ODAD2: variants seen among roughly 807,000 people sequenced by gnomAD.
The protein encoded by ODAD2 is outer dynein arm-docking complex subunit 2.
Under a neutral mutation model 106.8 loss-of-function variants are expected in ODAD2, and 89 were observed. The ratio of observed to expected loss-of-function variants is 0.83; its 90% CI spans 0.70 to 0.99. The LOEUF is 0.99. Ranked by LOEUF, ODAD2 falls within the 50% of genes least tolerant of loss-of-function variation. The pLI is 0.00. For synonymous variants in ODAD2, 404 were observed against 436.2 expected (o/e 0.93, Z 0.92); for missense variants, 1,168 against 1,238.5 (o/e 0.94, Z 0.85).
At chr10:27,949,309 A>G (rs1428935702) in intron 10 of ODAD2, among the ~76,000 whole-genome samples, 1 of 152,150 alleles carries the variant, frequency 6.6e-6, no homozygotes, top group African/African-American at 2.4e-5. Flanking sequence ...AAAGGTTTTT[A>G]ACTTTTTTAA....
intron 16 of ODAD2, among the ~76,000 whole-genome samples, chr10:27,919,330 A>G (rs115977942): frequency 5.7e-4 from 87 of 152,196 alleles, no homozygotes; most frequent in African/African-American, 2.0e-3. Context: ...CTTAAAGGAC[A>G]ACCGAAAAAT....
In ODAD2 at chr10:27,977,445, T is replaced by C. The variant is rs528333588; in HGVS notation, c.936+4021A>G. ...AGCCAGGCGCGGTGGCGGGCGCCTG[T>C]AGTCCCAGCTACTTGGGAAGCTGAG... On this transcript the variant is annotated intron_variant, in intron 7 of 19. Coordinates refer to ENST00000305242, the MANE Select transcript of ODAD2 (RefSeq NM_018076.5). 8.3e-4 allele frequency among the ~76,000 whole-genome samples: 125 copies of C among 150,398 alleles called. 1 individual carries two copies. Among genetic ancestry groups the C allele is most frequent in the African/African-American group, 2.9e-3 (118 of 40,988 alleles).
intron 19 of ODAD2, among the ~76,000 whole-genome samples, chr10:27,820,777 CTT>C (rs72095120): frequency 0.05 from 5,304 of 105,470 alleles, 88 homozygotes; most frequent in Admixed American, 0.094. Flanking sequence ...AGCCCAGCAA[CTT>C]TTTTTTTTTT....
chr10:27,898,596 C>T (rs1842994617), intron 17 of ODAD2, among the ~76,000 whole-genome samples: 1 of 152,064 alleles, frequency 6.6e-6, no homozygotes, highest in Admixed American at 6.6e-5. Context: ...GGATTTGTAT[C>T]AATCTTTCCC....
intron 19 of ODAD2, among the ~76,000 whole-genome samples, chr10:27,832,033 G>A (rs1837517672): frequency 6.6e-6 from 1 of 152,220 alleles, no homozygotes; most frequent in African/African-American, 2.4e-5. Context: ...CCTGAAGGCT[G>A]GACCACATAC....
chr10:27,968,281 GA>G (rs1848610457), intron 9 of ODAD2, among the ~76,000 whole-genome samples: 1 of 136,620 alleles, frequency 7.3e-6, no homozygotes, highest in Non-Finnish European at 1.6e-5. Flanking sequence ...TGAACTTGAA[GA>G]TAGAACAACA....
chr10:27,820,511 A>C (rs1022761131), intron 19 of ODAD2, among the ~76,000 whole-genome samples: 1 of 152,080 alleles, frequency 6.6e-6, no homozygotes, highest in Non-Finnish European at 1.5e-5. Flanking sequence ...GGGTTGCTGG[A>C]AACAGCATCT....
At chr10:27,837,805 G>A (rs927479978) in intron 19 of ODAD2, among the ~76,000 whole-genome samples, 1 of 152,178 alleles carries the variant, frequency 6.6e-6, no homozygotes, top group African/African-American at 2.4e-5. Context: ...GCCCTGACTT[G>A]TCAACCATAA....
intron 17 of ODAD2, among the ~76,000 whole-genome samples, chr10:27,874,356 T>C (rs1486543365): frequency 1.3e-5 from 2 of 152,332 alleles, no homozygotes; most frequent in East Asian, 3.9e-4. Context: ...TCTATTTACA[T>C]TTAAGGTTAA....
chr10:27,877,184 C>G (rs932900684), intron 17 of ODAD2, among the ~76,000 whole-genome samples: 6 of 152,162 alleles, frequency 3.9e-5, no homozygotes, highest in African/African-American at 1.4e-4. Flanking sequence ...GTTCAACAAG[C>G]CAAATTTCAA....
chr10:27,940,860 G>C, intron 12 of ODAD2, 55 bp from the exon 13 acceptor site: 7 of 1,551,936 alleles, frequency 4.5e-6, no homozygotes, highest in Non-Finnish European at 6.2e-6. Flanking sequence ...AACATTTAAG[G>C]CATTCTTCAA....
chr10:27,943,402 C>A (rs111433242), intron 12 of ODAD2, among the ~76,000 whole-genome samples: 11 of 152,066 alleles, frequency 7.2e-5, no homozygotes, highest in African/African-American at 2.4e-4. Flanking sequence ...GTAGGTACAT[C>A]TTTAAAAACT....
intron 17 of ODAD2, among the ~76,000 whole-genome samples, chr10:27,883,569 G>A (rs1005579064): frequency 5.3e-5 from 8 of 152,230 alleles, no homozygotes; most frequent in South Asian, 2.1e-4. Context: ...CCCTCAAGAA[G>A]CTTGTATAAT....
intron 17 of ODAD2, among the ~76,000 whole-genome samples, chr10:27,891,680 A>G (rs1264487080): frequency 6.6e-6 from 1 of 152,124 alleles, no homozygotes; most frequent in Non-Finnish European, 1.5e-5. Flanking sequence ...TTCTTAATAA[A>G]AACTTTTAAA....
intron 19 of ODAD2, among the ~76,000 whole-genome samples, chr10:27,814,661 C>A (rs1835990017): frequency 1.3e-5 from 2 of 152,230 alleles, no homozygotes; most frequent in African/African-American, 4.8e-5. Flanking sequence ...TGTCCATGGG[C>A]TCACATACTT....
chr10:27,982,497 G>T (rs78060407), intron 6 of ODAD2, among the ~76,000 whole-genome samples: 27 of 151,878 alleles, frequency 1.8e-4, no homozygotes, highest in Non-Finnish European at 4.4e-5. Flanking sequence ...TAGAGATTTC[G>T]TTTTTCTAAA....
intron 17 of ODAD2, among the ~76,000 whole-genome samples, chr10:27,894,974 A>G (rs1335501696): frequency 2.0e-5 from 3 of 151,798 alleles, no homozygotes; most frequent in Non-Finnish European, 4.4e-5. Flanking sequence ...ATAGCCAAAG[A>G]AAATTAGACA....
At chr10:27,822,524 C>G (rs1836692759) in intron 19 of ODAD2, among the ~76,000 whole-genome samples, 1 of 152,192 alleles carries the variant, frequency 6.6e-6, no homozygotes, top group Admixed American at 6.5e-5. Flanking sequence ...CAAGAAATGC[C>G]TTTGGACTGT....
chr10:27,848,457 T>C (rs1838970069), intron 19 of ODAD2, among the ~76,000 whole-genome samples: 1 of 152,048 alleles, frequency 6.6e-6, no homozygotes, highest in South Asian at 2.1e-4. Context: ...ATACAAACCC[T>C]AGAGGAAAAC....
Sources: allele counts gnomAD v4.1 joint callset (sites outside exome capture counted in the v4.1 genomes callset), GRCh38; gene constraint gnomAD v4.1.1; transcripts MANE v1.5; gene names NCBI Gene and HGNC (gene_info 2026-07-23, HGNC 2026-07-21).